The following MAST4 variants were observed in gnomAD, a reference collection of about 807,000 sequenced individuals.
MAST4 encodes the protein microtubule-associated serine/threonine-protein kinase 4.
In MAST4, 89 loss-of-function variants were observed where a neutral mutation model predicts 162.7. The observed-to-expected ratio is 0.55, with a 90% confidence interval of 0.46 to 0.65. The LOEUF is 0.65. MAST4 is among the 30% of genes least tolerant of loss of function. MAST4 has a pLI of 0.00. For synonymous variants in MAST4, 1,479 were observed against 1,361.1 expected (o/e 1.09, Z -1.91); for missense variants, 3,153 against 3,374.0 (o/e 0.93, Z 1.62).
At chr5:66,621,710 A>G (rs1744088711) in intron 1 of MAST4, among the ~76,000 whole-genome samples, 1 of 152,224 alleles carries the variant, frequency 6.6e-6, no homozygotes, top group Admixed American at 6.5e-5. Context: ...TTGAGCACCT[A>G]CTGTGCATCG....
chr5:66,944,541 C>T (rs767251283), intron 4 of MAST4, among the ~76,000 whole-genome samples: 2 of 152,060 alleles, frequency 1.3e-5, no homozygotes, highest in Non-Finnish European at 2.9e-5. Flanking sequence ...CATAATAAAT[C>T]TCAAATCTCT....
At chr5:66,621,595 A>T (rs181250500) in intron 1 of MAST4, among the ~76,000 whole-genome samples, 48 of 152,250 alleles carry the variant, frequency 3.2e-4, no homozygotes, top group African/African-American at 1.1e-3. Context: ...TATTTTTTGC[A>T]TATTTCACAA....
At chr5:67,049,639 G>A (rs1293888996) in intron 4 of MAST4, among the ~76,000 whole-genome samples, 1 of 151,970 alleles carries the variant, frequency 6.6e-6, no homozygotes, top group Non-Finnish European at 1.5e-5. Flanking sequence ...GAATTACCGG[G>A]GCCCCTCTTA....
intron 4 of MAST4, among the ~76,000 whole-genome samples, chr5:67,009,949 GAGA>G (rs1295538779): frequency 6.6e-6 from 1 of 152,190 alleles, no homozygotes; most frequent in Non-Finnish European, 1.5e-5. Context: ...TTGACTCTGA[GAGA>G]AGAAGAAATA....
chr5:67,016,815 T>G (rs1456245469), intron 4 of MAST4, among the ~76,000 whole-genome samples: 1 of 152,216 alleles, frequency 6.6e-6, no homozygotes, highest in Admixed American at 6.5e-5. Context: ...CACATTCACA[T>G]AAGTGTATAT....
intron 3 of MAST4, among the ~76,000 whole-genome samples, chr5:66,822,439 C>T (rs1757040481): frequency 2.6e-5 from 4 of 152,132 alleles, no homozygotes; most frequent in African/African-American, 9.7e-5. Flanking sequence ...GGAAAGGGTG[C>T]TCTTGGTTTT....
chr5:66,899,424 G>T (rs1762872491), intron 3 of MAST4, among the ~76,000 whole-genome samples: 2 of 152,094 alleles, frequency 1.3e-5, no homozygotes, highest in Admixed American at 1.3e-4. Context: ...GATGTTTTGA[G>T]AAATAATACC....
At chr5:67,142,579 C>T (rs1177620589) in intron 21 of MAST4, 46 bp downstream of exon 21, 2 of 1,273,560 alleles carry the variant, frequency 1.6e-6, no homozygotes, top group Admixed American at 2.0e-5. Context: ...CTGGGAGGAT[C>T]TCCCGCTGGC....
chr5:67,032,507 A>G (rs1755464864), intron 4 of MAST4, among the ~76,000 whole-genome samples: 1 of 152,188 alleles, frequency 6.6e-6, no homozygotes, highest in Non-Finnish European at 1.5e-5. Context: ...AGTGCCTAGT[A>G]GGAGAGCTAT....
intron 4 of MAST4, among the ~76,000 whole-genome samples, chr5:66,976,809 G>A (rs1748194572): frequency 6.6e-6 from 1 of 152,200 alleles, no homozygotes; most frequent in Non-Finnish European, 1.5e-5. Context: ...CCTTGATCCT[G>A]TGGGCTTCCT....
intron 4 of MAST4, among the ~76,000 whole-genome samples, chr5:67,014,804 T>G (rs968031465): frequency 2.0e-5 from 3 of 152,214 alleles, no homozygotes; most frequent in African/African-American, 7.2e-5. Context: ...TAGACTTCAT[T>G]TTTCTATAAC....
chr5:66,854,565 C>T (rs190528488), intron 3 of MAST4, among the ~76,000 whole-genome samples: 4 of 152,132 alleles, frequency 2.6e-5, no homozygotes, highest in African/African-American at 7.2e-5. Flanking sequence ...GCTCATAGGA[C>T]GGCTCATAGC....
chr5:66,864,994 G>C (rs78505966), intron 3 of MAST4, among the ~76,000 whole-genome samples: 1 of 3,514 alleles, frequency 2.8e-4, no homozygotes, highest in Admixed American at 2.2e-3. Flanking sequence ...CATTAGACAT[G>C]GGGCAGTGCT....
intron 5 of MAST4, among the ~76,000 whole-genome samples, chr5:67,089,254 T>G (rs1241324722): frequency 6.6e-6 from 1 of 152,202 alleles, no homozygotes; most frequent in Non-Finnish European, 1.5e-5. Flanking sequence ...TAATTAAACA[T>G]GCAGAGGGAA....
At chr5:66,779,762 T>TG (rs1222530836) in intron 2 of MAST4, among the ~76,000 whole-genome samples, 1 of 152,200 alleles carries the variant, frequency 6.6e-6, no homozygotes, top group Non-Finnish European at 1.5e-5. Flanking sequence ...CACTTGATGG[T>TG]GACGGAATTA....
At chr5:66,867,927 G>T (rs575730224) in intron 3 of MAST4, among the ~76,000 whole-genome samples, 1 of 152,178 alleles carries the variant, frequency 6.6e-6, no homozygotes, top group African/African-American at 2.4e-5. Flanking sequence ...GAGTCTGAAG[G>T]CTGTCATTTA....
intron 1 of MAST4, among the ~76,000 whole-genome samples, chr5:66,733,285 C>CT (rs1281400102): frequency 6.6e-6 from 1 of 152,114 alleles, no homozygotes; most frequent in Non-Finnish European, 1.5e-5. Context: ...CCCGCTCCCT[C>CT]TAACTTTCTC....
intron 4 of MAST4, among the ~76,000 whole-genome samples, chr5:66,930,354 A>G (rs1336446186): frequency 6.6e-6 from 1 of 152,226 alleles, no homozygotes. Context: ...GTTGTTTCAG[A>G]AAGGTGAGTA....
intron 19 of MAST4, among the ~76,000 whole-genome samples, chr5:67,138,913 C>T (rs1257117070): frequency 2.6e-5 from 4 of 152,164 alleles, no homozygotes; most frequent in Non-Finnish European, 5.9e-5. Flanking sequence ...AACTTGGATC[C>T]TTGGTTGGGC....
Sources: allele counts gnomAD v4.1 joint callset (sites outside exome capture counted in the v4.1 genomes callset), GRCh38; gene constraint gnomAD v4.1.1; transcripts MANE v1.5; gene names NCBI Gene and HGNC (gene_info 2026-07-23, HGNC 2026-07-21).